The following CTNNA2 variants were observed in gnomAD, a reference collection of about 807,000 sequenced individuals.
CTNNA2 encodes the protein catenin alpha 2.
In CTNNA2, 42 loss-of-function variants were observed where a neutral mutation model predicts 101.0. The ratio of observed to expected loss-of-function variants is 0.42; its 90% CI spans 0.32 to 0.54. CTNNA2 has a LOEUF of 0.54. Among genes scored for constraint, CTNNA2 ranks in the 20% least tolerant of loss-of-function variants. The pLI, the probability that CTNNA2 is intolerant of heterozygous loss-of-function variation, is 0.14. For synonymous variants in CTNNA2, 450 were observed against 456.4 expected, an observed-to-expected ratio of 0.99 and a Z score of 0.18; for missense variants, 871 against 1,223.1, an observed-to-expected ratio of 0.71 and a Z score of 4.29.
chr2:80,016,528 C>T (rs1012363027), intron 7 of CTNNA2, among the ~76,000 whole-genome samples: 3 of 152,112 alleles, frequency 2.0e-5, no homozygotes, highest in Non-Finnish European at 4.4e-5. Context: ...TTAACTATTT[C>T]AGGAAATCAG....
rs60336887 is a variant in CTNNA2, at chr2:79,893,990, TTTCTTCTTCTTCTTCTTCTTCTTC to T, written c.853-15552_853-15529del. On this transcript the variant is annotated intron_variant, in intron 6 of 18. Coordinates refer to ENST00000402739, the MANE Select transcript of CTNNA2 (RefSeq NM_001282597.3). ...TTTTATTCTGTCAAGCTTAGGCTGTTTTCTTCTTCTTCTTCTTCTTCTTCTTCTTCTTCTTCTTCTTCTTCTTCT... is the reference window on the plus strand; with the variant it reads ...TTTTATTCTGTCAAGCTTAGGCTGTTTTCTTCTTCTTCTTCTTCTTCTTCT... 2.6e-3 allele frequency among the ~76,000 whole-genome samples: 295 copies of T among 114,904 alleles called. 1 individual carries two copies. The highest frequency in any genetic ancestry group is 5.3e-3 in the East Asian group (20 of 3,770). The allele number at this position is 114,904 out of a possible 152,430, so 75.4% of individuals were successfully genotyped here. A position where few individuals can be genotyped will look rare whatever the true frequency, so the allele number is the denominator to read the frequency against.
intron 7 of CTNNA2, among the ~76,000 whole-genome samples, chr2:79,928,347 A>T (rs989956962): frequency 6.6e-6 from 1 of 152,190 alleles, no homozygotes; most frequent in African/African-American, 2.4e-5. Flanking sequence ...TATCCATTTT[A>T]TACAAAACAC....
intron 9 of CTNNA2, among the ~76,000 whole-genome samples, chr2:80,428,446 A>G (rs2149421473): frequency 6.6e-6 from 1 of 152,324 alleles, no homozygotes; most frequent in African/African-American, 2.4e-5. Flanking sequence ...GGTCAGTGGG[A>G]AGATGCGGCT....
chr2:80,424,017 G>A (rs533089813), intron 9 of CTNNA2, among the ~76,000 whole-genome samples: 28 of 151,974 alleles, frequency 1.8e-4, no homozygotes, highest in South Asian at 6.2e-4. Flanking sequence ...GTGCAGTGGC[G>A]CAATCTCTGC....
intron 3 of CTNNA2, among the ~76,000 whole-genome samples, chr2:79,823,216 C>T (rs1678157524): frequency 6.6e-6 from 1 of 152,172 alleles, no homozygotes; most frequent in Non-Finnish European, 1.5e-5. Flanking sequence ...AGACCTAAGC[C>T]ATATCTGCCT....
chr2:80,433,654 T>G (rs565558619), intron 9 of CTNNA2, among the ~76,000 whole-genome samples: 1 of 152,242 alleles, frequency 6.6e-6, no homozygotes, highest in African/African-American at 2.4e-5. Flanking sequence ...ATTCATAAGT[T>G]AAACTCTTGT....
At chr2:79,600,331 A>G (rs925651715) in intron 1 of CTNNA2, among the ~76,000 whole-genome samples, 4 of 152,004 alleles carry the variant, frequency 2.6e-5, no homozygotes, top group Non-Finnish European at 5.9e-5. Context: ...GTGTGCCACC[A>G]TGCCTGGCTA....
intron 3 of CTNNA2, among the ~76,000 whole-genome samples, chr2:79,842,415 G>A (rs1477738144): frequency 6.6e-6 from 1 of 152,160 alleles, no homozygotes; most frequent in Non-Finnish European, 1.5e-5. Flanking sequence ...GCTTAGAACA[G>A]TATCTGGAAC....
intron 3 of CTNNA2, among the ~76,000 whole-genome samples, chr2:79,830,541 C>A (rs1176000730): frequency 1.3e-5 from 2 of 152,092 alleles, no homozygotes; most frequent in Non-Finnish European, 2.9e-5. Flanking sequence ...ACAGTGTTGC[C>A]CAGGTATGAT....
chr2:79,395,118 A>G (rs1220272121), intron 4 of CTNNA2, among the ~76,000 whole-genome samples: 2 of 152,154 alleles, frequency 1.3e-5, no homozygotes, highest in East Asian at 3.9e-4. Flanking sequence ...GATAAATACT[A>G]TAAGTAACTC....
chr2:80,299,218 C>G (rs556591527), intron 7 of CTNNA2: 3 of 152,154 alleles, frequency 2.0e-5, no homozygotes, highest in East Asian at 1.9e-4. Context: ...AAATTAGATT[C>G]TCTTTTAAAT....
chr2:80,213,226 T>G (rs1708023378), intron 7 of CTNNA2, among the ~76,000 whole-genome samples: 1 of 152,180 alleles, frequency 6.6e-6, no homozygotes, highest in South Asian at 2.1e-4. Context: ...ACTTCTCCTC[T>G]GATCTTAGTT....
chr2:79,803,323 C>G (rs1676311955), intron 3 of CTNNA2, among the ~76,000 whole-genome samples: 2 of 152,190 alleles, frequency 1.3e-5, no homozygotes, highest in South Asian at 4.1e-4. Flanking sequence ...AGTGGGAAAT[C>G]AGGGGTCTCC....
chr2:79,280,728 T>A (rs976807863), intron 2 of CTNNA2, among the ~76,000 whole-genome samples: 2 of 149,962 alleles, frequency 1.3e-5, no homozygotes, highest in South Asian at 4.3e-4. Flanking sequence ...TCTCTTTGGA[T>A]GTGTTCTTTG....
chr2:79,501,820 CAT>C (rs1462472706), intron 4 of CTNNA2, among the ~76,000 whole-genome samples: 1 of 152,046 alleles, frequency 6.6e-6, no homozygotes, highest in Non-Finnish European at 1.5e-5. Context: ...TATTTTAGAG[CAT>C]TAATTGGGAA....
intron 15 of CTNNA2, among the ~76,000 whole-genome samples, chr2:80,596,956 A>T (rs1449434703): frequency 6.6e-6 from 1 of 152,152 alleles, no homozygotes; most frequent in African/African-American, 2.4e-5. Flanking sequence ...TTCTGCTTCT[A>T]TTAAGATAAT....
chr2:79,443,830 G>C (rs895024655), intron 4 of CTNNA2, among the ~76,000 whole-genome samples: 6 of 151,696 alleles, frequency 4.0e-5, no homozygotes, highest in African/African-American at 1.5e-4. Flanking sequence ...AAGTACCAAA[G>C]AAGGGATAAA....
At chr2:79,906,649 C>T (rs1574280429) in intron 6 of CTNNA2, among the ~76,000 whole-genome samples, 1 of 152,148 alleles carries the variant, frequency 6.6e-6, no homozygotes, top group African/African-American at 2.4e-5. Flanking sequence ...TTTACTTTCA[C>T]AACAGCCCCA....
intron 7 of CTNNA2, among the ~76,000 whole-genome samples, chr2:80,121,611 G>A (rs1701839271): frequency 6.6e-6 from 1 of 152,168 alleles, no homozygotes. Context: ...GATGTTCAGT[G>A]GAGTTTCGTG....
Sources: allele counts gnomAD v4.1 joint callset (sites outside exome capture counted in the v4.1 genomes callset), GRCh38; gene constraint gnomAD v4.1.1; transcripts MANE v1.5; gene names NCBI Gene and HGNC (gene_info 2026-07-23, HGNC 2026-07-21).